The following TNFRSF13B variants were observed in gnomAD, a reference collection of about 807,000 sequenced individuals.
TNFRSF13B encodes the protein tumor necrosis factor receptor superfamily member 13B.
TNFRSF13B carries 34 observed loss-of-function variants against 24.0 expected under a neutral mutation model. That is an observed-to-expected ratio of 1.41 (90% CI 1.08 to 1.88). The LOEUF is 1.88. TNFRSF13B is among the 40% of genes most tolerant of loss of function. The pLI is 0.00. For missense variants in TNFRSF13B, 415 were observed against 380.8 expected, an observed-to-expected ratio of 1.09 and a Z score of -0.75; for synonymous variants, 173 against 150.3, an observed-to-expected ratio of 1.15 and a Z score of -1.10.
chr17:16,961,358 A>G (rs2087661164), intron 1 of TNFRSF13B, among the ~76,000 whole-genome samples: 1 of 152,252 alleles, frequency 6.6e-6, no homozygotes, highest in Admixed American at 6.5e-5. Context: ...TTATCAGCAC[A>G]TGAATGGACA....
At chr17:16,964,598 C>T (rs1487627852) in intron 1 of TNFRSF13B, among the ~76,000 whole-genome samples, 3 of 152,188 alleles carry the variant, frequency 2.0e-5, no homozygotes, top group Non-Finnish European at 4.4e-5. Context: ...GCCTCAGCCT[C>T]CCAAAGTGCT....
In TNFRSF13B at chr17:16,940,514, G is replaced by C; in HGVS notation, c.446-3C>G. The C allele has an allele frequency of 6.2e-7, 1 of 1,612,856 alleles. No individual in the cohort carries two copies. The highest frequency in any genetic ancestry group is 8.5e-7 in the Non-Finnish European group (1 of 1,179,886). On this transcript the variant is annotated splice_region_variant and splice_polypyrimidine_tract_variant and intron_variant, in intron 3 of 4. Transcript: ENST00000261652. ...ACTCAGCTTCAGCCCCGGGAGAGCT[G>C]CAAGACAGCATGAGACCCCTCTCTG... is the stretch of plus-strand genomic sequence containing the variant.
chr17:16,961,229 T>C (rs966531969), intron 1 of TNFRSF13B, among the ~76,000 whole-genome samples: 6 of 152,208 alleles, frequency 3.9e-5, no homozygotes, highest in African/African-American at 1.4e-4. Flanking sequence ...CAAGACCCAG[T>C]AATTCCACTC....
chr17:16,971,714 G>T (rs1337836252), intron 1 of TNFRSF13B, among the ~76,000 whole-genome samples: 1 of 152,170 alleles, frequency 6.6e-6, no homozygotes. Context: ...AAATGGTCCA[G>T]CGGGCATGTA....
chr17:16,944,738 G>C (rs1383972505), intron 3 of TNFRSF13B, among the ~76,000 whole-genome samples: 1 of 152,140 alleles, frequency 6.6e-6, no homozygotes, highest in Non-Finnish European at 1.5e-5. Flanking sequence ...ACAGTTCCAG[G>C]TCCCACTAAG....
chr17:16,960,721 T>C (rs1161433807), intron 1 of TNFRSF13B, among the ~76,000 whole-genome samples: 3 of 152,176 alleles, frequency 2.0e-5, no homozygotes, highest in South Asian at 4.1e-4. Context: ...ACCAAAGGCA[T>C]AGGCAATGAA....
chr17:16,950,170 A>G (rs2143658973), intron 2 of TNFRSF13B, among the ~76,000 whole-genome samples: 1 of 152,348 alleles, frequency 6.6e-6, no homozygotes, highest in African/African-American at 2.4e-5. Flanking sequence ...CATTTTGGAG[A>G]CAGTGCAGGA....
intron 1 of TNFRSF13B, among the ~76,000 whole-genome samples, chr17:16,961,690 T>C (rs2087663723): frequency 6.6e-6 from 1 of 152,192 alleles, no homozygotes; most frequent in Non-Finnish European, 1.5e-5. Context: ...TCATTGAATA[T>C]GTCATGATGA....
chr17:16,947,461 T>C (rs972305935), intron 3 of TNFRSF13B, among the ~76,000 whole-genome samples: 3 of 152,082 alleles, frequency 2.0e-5, no homozygotes, highest in African/African-American at 7.2e-5. Context: ...CCAACAAAGG[T>C]CTAATATCCA....
At chr17:16,960,988 A>G (rs957693031) in intron 1 of TNFRSF13B, among the ~76,000 whole-genome samples, 2 of 152,280 alleles carry the variant, frequency 1.3e-5, no homozygotes, top group Non-Finnish European at 2.9e-5. Flanking sequence ...GTGGTCAACA[A>G]GCACAAGAAA....
intron 3 of TNFRSF13B, among the ~76,000 whole-genome samples, chr17:16,943,189 G>A (rs1224502160): frequency 6.6e-6 from 1 of 152,192 alleles, no homozygotes; most frequent in Non-Finnish European, 1.5e-5. Context: ...GAGCCACGCA[G>A]GGTCACAACA....
At position 16,953,008 on chromosome 17, in the gene TNFRSF13B, T is replaced by C. The variant is rs564958702; in HGVS notation, c.62-425A>G. The stretch of plus-strand genomic sequence containing the variant: ...CTGAGACCTCTGTCTAAACCTGATC[T>C]CCAAGGGAAGCCTTTCTGACTCACC... On this transcript the variant is annotated intron_variant, in intron 1 of 4. Coordinates refer to ENST00000261652, the MANE Select transcript of TNFRSF13B (RefSeq NM_012452.3). 1.7e-4 allele frequency among the ~76,000 whole-genome samples: 26 copies of C among 152,314 alleles called. No individual in the cohort carries two copies. The South Asian group carries it at 1.9e-3, about 11-fold the overall frequency.
At chr17:16,946,219 G>C (rs2087546605) in intron 3 of TNFRSF13B, among the ~76,000 whole-genome samples, 1 of 152,214 alleles carries the variant, frequency 6.6e-6, no homozygotes, top group South Asian at 2.1e-4. Flanking sequence ...CCTGCCCATG[G>C]GACCTTAGCC....
At chr17:16,944,554 C>G (rs1233308897) in intron 3 of TNFRSF13B, among the ~76,000 whole-genome samples, 1 of 152,164 alleles carries the variant, frequency 6.6e-6, no homozygotes, top group African/African-American at 2.4e-5. Context: ...CTCGGGGAAG[C>G]CTTCCTTGTC....
At chr17:16,951,507 G>A (rs1452101812) in intron 2 of TNFRSF13B, among the ~76,000 whole-genome samples, 1 of 152,268 alleles carries the variant, frequency 6.6e-6, no homozygotes, top group Non-Finnish European at 1.5e-5. Flanking sequence ...ATTGCTGGCA[G>A]TGATAGGATA....
intron 3 of TNFRSF13B, chr17:16,940,828 CAGACGATG>C: frequency 4.7e-6 from 6 of 1,278,114 alleles, no homozygotes; most frequent in Non-Finnish European, 6.0e-6. Context: ...GACAGACGAA[CAGACGATG>C]CTCCAGGGAG....
intron 1 of TNFRSF13B, among the ~76,000 whole-genome samples, chr17:16,966,695 C>G (rs773180972): frequency 6.6e-6 from 1 of 152,080 alleles, no homozygotes; most frequent in Non-Finnish European, 1.5e-5. Context: ...GATGGATTTA[C>G]CCACTGACCC....
intron 3 of TNFRSF13B, chr17:16,940,815 AT>A: frequency 5.3e-6 from 7 of 1,312,572 alleles, no homozygotes; most frequent in Non-Finnish European, 6.8e-6. Context: ...TGATGGGTGA[AT>A]CGACAGACGA....
chr17:16,968,159 A>AAG lies in TNFRSF13B; in HGVS notation c.61+3855_61+3856insCT, dbSNP rs1555550492. On this transcript the variant is annotated intron_variant, in intron 1 of 4. Coordinates refer to ENST00000261652, the MANE Select transcript of TNFRSF13B (RefSeq NM_012452.3). ...CCTGTCTCAAAAAAAAAAAAAAAGA[A>AAG]AAAAGAAAGGAAAAGAAATGCAAGA... Among the ~76,000 whole-genome samples the AAG allele has an allele frequency of 2.2e-3, 333 of 150,536 alleles. 4 individuals carry two copies. Among genetic ancestry groups the AAG allele is most frequent in the African/African-American group, 8.0e-3 (324 of 40,424 alleles).
Sources: allele counts gnomAD v4.1 joint callset (sites outside exome capture counted in the v4.1 genomes callset), GRCh38; gene constraint gnomAD v4.1.1; transcripts MANE v1.5; gene names NCBI Gene and HGNC (gene_info 2026-07-23, HGNC 2026-07-21).